Variants in CCDC85A observed in about 807,000 individuals in gnomAD.
CCDC85A encodes coiled-coil domain-containing protein 85A.
CCDC85A carries 38 observed loss-of-function variants against 50.2 expected under a neutral mutation model. The ratio of observed to expected loss-of-function variants is 0.76; its 90% CI spans 0.58 to 0.99. The LOEUF (loss-of-function observed/expected upper bound fraction) is 0.99. CCDC85A is among the 50% of genes least tolerant of loss of function. The pLI is 0.00. For missense variants in CCDC85A, 820 were observed against 742.0 expected (o/e 1.11, Z -1.22); for synonymous variants, 366 against 301.4 (o/e 1.21, Z -2.22).
chr2:56,264,568 T>C (rs1670356483), intron 2 of CCDC85A, among the ~76,000 whole-genome samples: 1 of 152,222 alleles, frequency 6.6e-6, no homozygotes, highest in Non-Finnish European at 1.5e-5. Flanking sequence ...ATCATTTGTC[T>C]CCTGCATTAT....
chr2:56,355,603 T>G (rs1170117461), intron 3 of CCDC85A, among the ~76,000 whole-genome samples: 1 of 152,210 alleles, frequency 6.6e-6, no homozygotes, highest in African/African-American at 2.4e-5. Flanking sequence ...ACCTTTGAAT[T>G]ATTGTTCGTA....
intron 2 of CCDC85A, among the ~76,000 whole-genome samples, chr2:56,341,389 A>G (rs943234069): frequency 1.3e-5 from 2 of 151,614 alleles, no homozygotes; most frequent in Non-Finnish European, 2.9e-5. Flanking sequence ...GTTGCCTGAC[A>G]TTCTTGGTGG....
rs181779881 is a variant in CCDC85A at position 56,322,622 on chromosome 2, A to G, written c.1241-20257A>G. Among the ~76,000 whole-genome samples, 704 of 152,332 alleles carry G rather than the reference A, an allele frequency of 4.6e-3. 2 individuals are homozygous for G. The highest frequency in any genetic ancestry group is 8.3e-3 in the Non-Finnish European group (563 of 68,034). On this transcript the variant is annotated intron_variant, in intron 2 of 5. Coordinates refer to ENST00000407595, the MANE Select transcript of CCDC85A (RefSeq NM_001080433.2). ...CCATCTCACACCAGTTAGAATGGCG[A>G]TCATTAAAAAGTCAGGAGACAACAG... is the stretch of plus-strand genomic sequence containing the variant.
chr2:56,185,025 AC>A (rs1200147805), intron 1 of CCDC85A, 125 bp downstream of exon 1: 11 of 1,166,538 alleles, frequency 9.4e-6, no homozygotes, highest in East Asian at 9.0e-5. Flanking sequence ...CCCGGTCGGC[AC>A]CCCCTACCCC....
chr2:56,255,362 A>G (rs1283107721), intron 2 of CCDC85A, among the ~76,000 whole-genome samples: 3 of 152,166 alleles, frequency 2.0e-5, no homozygotes, highest in Admixed American at 1.3e-4. Flanking sequence ...GGAGTCAAAA[A>G]GGGGGAGGTA....
chr2:56,233,373 T>C (rs997663718), intron 2 of CCDC85A, among the ~76,000 whole-genome samples: 1 of 152,196 alleles, frequency 6.6e-6, no homozygotes, highest in Non-Finnish European at 1.5e-5. Context: ...CTTTGAAGAA[T>C]AGCAGAGGGA....
intron 4 of CCDC85A, among the ~76,000 whole-genome samples, chr2:56,372,784 A>G (rs890670495): frequency 1.3e-5 from 2 of 152,212 alleles, no homozygotes; most frequent in African/African-American, 4.8e-5. Flanking sequence ...TCATGTCTCT[A>G]GACAAGCTCA....
At chr2:56,221,460 C>G (rs1668326078) in intron 2 of CCDC85A, among the ~76,000 whole-genome samples, 1 of 151,910 alleles carries the variant, frequency 6.6e-6, no homozygotes, top group Non-Finnish European at 1.5e-5. Flanking sequence ...TGTTTGCACA[C>G]TTGTCTCCTG....
chr2:56,323,320 A>G (rs193294731), intron 2 of CCDC85A, among the ~76,000 whole-genome samples: 242 of 152,146 alleles, frequency 1.6e-3, no homozygotes, highest in Non-Finnish European at 2.6e-3. Flanking sequence ...ACTCAGTTGC[A>G]GAGATATTGA....
chr2:56,263,445 C>T (rs1670302480), intron 2 of CCDC85A, among the ~76,000 whole-genome samples: 1 of 152,200 alleles, frequency 6.6e-6, no homozygotes, highest in African/African-American at 2.4e-5. Context: ...CTCAAACTTC[C>T]AGAGTGAGTT....
At chr2:56,330,287 G>C (rs1673717929) in intron 2 of CCDC85A, among the ~76,000 whole-genome samples, 1 of 152,048 alleles carries the variant, frequency 6.6e-6, no homozygotes, top group Non-Finnish European at 1.5e-5. Context: ...CCACCTTCCT[G>C]GTACCTCCTT....
At chr2:56,196,114 T>C (rs2103835982) in intron 2 of CCDC85A, among the ~76,000 whole-genome samples, 1 of 152,342 alleles carries the variant, frequency 6.6e-6, no homozygotes, top group South Asian at 2.1e-4. Flanking sequence ...AAAGATAAAT[T>C]TTAGCTATTT....
At chr2:56,195,953 C>A (rs1676503737) in intron 2 of CCDC85A, among the ~76,000 whole-genome samples, 1 of 152,136 alleles carries the variant, frequency 6.6e-6, no homozygotes, top group African/African-American at 2.4e-5. Flanking sequence ...CCTCCCAAAA[C>A]ACACACATAT....
intron 1 of CCDC85A, among the ~76,000 whole-genome samples, chr2:56,188,016 A>G (rs1412992927): frequency 6.6e-6 from 1 of 152,226 alleles, no homozygotes; most frequent in African/African-American, 2.4e-5. Flanking sequence ...TAAAACAATT[A>G]TTTAACTGTA....
At chr2:56,362,916 C>T (rs1276575538) in intron 3 of CCDC85A, among the ~76,000 whole-genome samples, 2 of 152,082 alleles carry the variant, frequency 1.3e-5, no homozygotes, top group Non-Finnish European at 2.9e-5. Flanking sequence ...AGCCATTGCT[C>T]CCGGCCCCAT....
At chr2:56,285,087 C>T (rs1449958421) in intron 2 of CCDC85A, among the ~76,000 whole-genome samples, 1 of 151,404 alleles carries the variant, frequency 6.6e-6, no homozygotes, top group Non-Finnish European at 1.5e-5. Flanking sequence ...TTTTGACTTA[C>T]CTTTCTTTTC....
At chr2:56,372,669 C>G (rs1484160763) in intron 4 of CCDC85A, among the ~76,000 whole-genome samples, 191 bp downstream of exon 4, 1 of 151,898 alleles carries the variant, frequency 6.6e-6, no homozygotes, top group Non-Finnish European at 1.5e-5. Context: ...TGTTTTTTTC[C>G]CCCACATCTG....
chr2:56,334,047 A>G (rs1422878313), intron 2 of CCDC85A, among the ~76,000 whole-genome samples: 5 of 152,192 alleles, frequency 3.3e-5, no homozygotes, highest in African/African-American at 1.2e-4. Context: ...GCTTTTTCAC[A>G]TGCAGATCTT....
chr2:56,279,923 A>G (rs935810490), intron 2 of CCDC85A, among the ~76,000 whole-genome samples: 1 of 152,206 alleles, frequency 6.6e-6, no homozygotes, highest in Admixed American at 6.5e-5. Context: ...TCTTTGATAC[A>G]CTGATTTTAA....
Sources: allele counts gnomAD v4.1 joint callset (sites outside exome capture counted in the v4.1 genomes callset), GRCh38; gene constraint gnomAD v4.1.1; transcripts MANE v1.5; gene names NCBI Gene and HGNC (gene_info 2026-07-23, HGNC 2026-07-21).